Variants in MTCL2 observed in about 807,000 individuals in gnomAD.
MTCL2 encodes microtubule crosslinking factor 2.
the MTCL2 span, chr20:36,786,180 T>G: frequency 9.7e-7 from 1 of 1,034,644 alleles, no homozygotes; most frequent in South Asian, 4.4e-5. Context: ...GGCAAGGCTC[T>G]CTCTTAGGAC....
At chr20:36,858,315 C>CAA in the MTCL2 span, among the ~76,000 whole-genome samples, 128 of 111,228 alleles carry the variant, frequency 1.2e-3, no homozygotes, top group Non-Finnish European at 1.8e-3. Flanking sequence ...AGGGAAAACA[C>CAA]ACACACACAC....
chr20:36,815,971 G>A, the MTCL2 span: 1 of 1,613,298 alleles, frequency 6.2e-7, no homozygotes, highest in African/African-American at 1.3e-5. The surrounding 1 kb of genome is among the most constrained non-coding windows in gnomAD (Gnocchi z 5.3). Context: ...CGTGCCTCAG[G>A]ACCCCCACAG....
At chr20:36,840,967 C>A in the MTCL2 span, among the ~76,000 whole-genome samples, 3 of 151,810 alleles carry the variant, frequency 2.0e-5, no homozygotes, top group Admixed American at 6.6e-5. Context: ...CTGTATGGAG[C>A]CCCAAGCTTC....
chr20:36,786,661 C>T, the MTCL2 span: 3 of 1,540,380 alleles, frequency 1.9e-6, no homozygotes, highest in Non-Finnish European at 2.6e-6. Flanking sequence ...GGCAGGGAGG[C>T]AGGAAGTCAA....
At chr20:36,841,874 G>GGGGTGTGTGGGTGTGT in the MTCL2 span, among the ~76,000 whole-genome samples, 22 of 110,866 alleles carry the variant, frequency 2.0e-4, no homozygotes, top group East Asian at 2.6e-3. Flanking sequence ...TGGGGGGTGG[G>GGGGTGTGTGGGTGTGT]GTGTGTGTGT....
At chr20:36,821,247 T>G in the MTCL2 span, among the ~76,000 whole-genome samples, 1 of 152,158 alleles carries the variant, frequency 6.6e-6, no homozygotes, top group African/African-American at 2.4e-5. Context: ...TCTGGCTGGA[T>G]GCAGTGGCTC....
At chr20:36,781,541 A>C in the MTCL2 span, 18 of 151,540 alleles carry the variant, frequency 1.2e-4, no homozygotes, top group African/African-American at 3.9e-4. Flanking sequence ...GTCTCCAAAA[A>C]AAAAAGAAAA....
the MTCL2 span, among the ~76,000 whole-genome samples, chr20:36,795,788 AAAAC>A: frequency 6.6e-6 from 1 of 151,566 alleles, no homozygotes; most frequent in African/African-American, 2.4e-5. Flanking sequence ...AAAAAAAACA[AAAAC>A]AAAAAAAACA....
At chr20:36,828,998 G>A in the MTCL2 span, 688 of 1,469,764 alleles carry the variant, frequency 4.7e-4, 8 homozygotes, top group East Asian at 0.015. Context: ...GCTTGGGGGG[G>A]CTTGCATGTG....
chr20:36,780,068 T>G, the MTCL2 span: 1 of 152,178 alleles, frequency 6.6e-6, no homozygotes, highest in African/African-American at 2.4e-5. Context: ...CTACTGGGGA[T>G]GCAAGACCTG....
the MTCL2 span, chr20:36,785,089 T>C: frequency 5.1e-6 from 5 of 985,370 alleles, no homozygotes; most frequent in Middle Eastern, 5.2e-4. Flanking sequence ...TGAGTATTTA[T>C]AGACTGACCG....
At chr20:36,793,659 G>A in the MTCL2 span, 3 of 1,550,658 alleles carry the variant, frequency 1.9e-6, no homozygotes, top group Non-Finnish European at 1.7e-6. This position sits in a 1 kb window ranked among gnomAD's most constrained non-coding sequence, Gnocchi z 6.8. Flanking sequence ...GTGGTGGAGC[G>A]GGCCCAGGCC....
the MTCL2 span, among the ~76,000 whole-genome samples, chr20:36,857,365 G>A: frequency 6.6e-6 from 1 of 152,246 alleles, no homozygotes; most frequent in South Asian, 2.1e-4. Flanking sequence ...TGGGAGTTGT[G>A]TGGCTGCATG....
At chr20:36,834,689 G>C in the MTCL2 span, among the ~76,000 whole-genome samples, 2 of 152,120 alleles carry the variant, frequency 1.3e-5, no homozygotes, top group African/African-American at 4.8e-5. Context: ...TGCTGTGTGA[G>C]TTCTTCTCAG....
the MTCL2 span, among the ~76,000 whole-genome samples, chr20:36,811,746 C>G: frequency 6.6e-4 from 100 of 152,272 alleles, no homozygotes; most frequent in South Asian, 2.9e-3. Flanking sequence ...CTTAGAGAGT[C>G]TGATCCATCA....
chr20:36,837,670 C>A, the MTCL2 span, among the ~76,000 whole-genome samples: 1 of 151,238 alleles, frequency 6.6e-6, no homozygotes, highest in Admixed American at 6.6e-5. Flanking sequence ...CTCCGCCTCC[C>A]GGGTTCAAGC....
At chr20:36,847,125 G>C in the MTCL2 span, among the ~76,000 whole-genome samples, 1 of 152,224 alleles carries the variant, frequency 6.6e-6, no homozygotes, top group Admixed American at 6.5e-5. Context: ...TGTGAGGTAG[G>C]TGCTGAAAAC....
the MTCL2 span, among the ~76,000 whole-genome samples, chr20:36,845,610 G>A: frequency 6.6e-6 from 1 of 152,344 alleles, no homozygotes; most frequent in South Asian, 2.1e-4. Context: ...GGGAGAGGCT[G>A]GCGAATGCAG....
At chr20:36,793,964 A>G in the MTCL2 span, 1 of 1,551,532 alleles carries the variant, frequency 6.4e-7, no homozygotes, top group African/African-American at 1.4e-5. This position sits in a 1 kb window ranked among gnomAD's most constrained non-coding sequence, Gnocchi z 6.8. Context: ...GGCCAGGCCC[A>G]CCGTCTGGCT....
Sources: allele counts gnomAD v4.1 joint callset (sites outside exome capture counted in the v4.1 genomes callset), GRCh38; gene constraint gnomAD v4.1.1; non-coding constraint Gnocchi (gnomAD v3.1); transcripts MANE v1.5; gene names NCBI Gene and HGNC (gene_info 2026-07-23, HGNC 2026-07-21).